Variants in SLC4A10 observed in about 807,000 individuals in gnomAD.
The protein encoded by SLC4A10 is solute carrier family 4 member 10.
A neutral mutation model predicts 137.7 loss-of-function variants in SLC4A10; 42 were observed. The ratio of observed to expected loss-of-function variants is 0.30; its 90% CI spans 0.24 to 0.39. SLC4A10 has a LOEUF of 0.39. SLC4A10 is among the 10% of genes least tolerant of loss of function. SLC4A10 has a pLI of 1.00. For synonymous variants in SLC4A10, 474 were observed against 464.1 expected (o/e 1.02, Z -0.27); for missense variants, 925 against 1,355.0 (o/e 0.68, Z 4.98).
intron 21 of SLC4A10, among the ~76,000 whole-genome samples, chr2:161,963,210 A>G (rs1371094910): frequency 6.6e-6 from 1 of 152,098 alleles, no homozygotes; most frequent in Non-Finnish European, 1.5e-5. Flanking sequence ...AATTTATAAA[A>G]TTCAAAAAAA....
At chr2:161,863,562 G>A (rs1329987523) in intron 6 of SLC4A10, among the ~76,000 whole-genome samples, 1 of 152,146 alleles carries the variant, frequency 6.6e-6, no homozygotes, top group South Asian at 2.1e-4. Flanking sequence ...ATTGTTTGTG[G>A]CTTTACATAC....
intron 3 of SLC4A10, among the ~76,000 whole-genome samples, chr2:161,814,573 A>G (rs2056871579): frequency 6.6e-6 from 1 of 152,182 alleles, no homozygotes; most frequent in African/African-American, 2.4e-5. Context: ...ACTCCATGGC[A>G]TACATTGCAG....
chr2:161,696,854 A>G (rs996911250), intron 1 of SLC4A10, among the ~76,000 whole-genome samples: 1 of 152,142 alleles, frequency 6.6e-6, no homozygotes, highest in Admixed American at 6.5e-5. Context: ...TGGTATTTCT[A>G]GTTCTAGATC....
chr2:161,830,944 A>C (rs1281073332), intron 3 of SLC4A10, among the ~76,000 whole-genome samples: 1 of 152,202 alleles, frequency 6.6e-6, no homozygotes, highest in East Asian at 1.9e-4. Context: ...AGATGTGGAT[A>C]TGTATGTGTT....
intron 19 of SLC4A10, among the ~76,000 whole-genome samples, chr2:161,955,175 C>T (rs960874867): frequency 2.6e-5 from 4 of 152,220 alleles, no homozygotes; most frequent in Admixed American, 1.3e-4. Context: ...ACATCCTTCT[C>T]ACTCCAGAGT....
chr2:161,628,797 T>A, intron 1 of SLC4A10, among the ~76,000 whole-genome samples: 1 of 152,020 alleles, frequency 6.6e-6, no homozygotes, highest in East Asian at 1.9e-4. Context: ...AGGTTGGGAA[T>A]GAGTGGTAGA....
At chr2:161,833,719 G>C (rs2058583746) in intron 3 of SLC4A10, among the ~76,000 whole-genome samples, 1 of 152,186 alleles carries the variant, frequency 6.6e-6, no homozygotes, top group African/African-American at 2.4e-5. Flanking sequence ...TTCACAGTCA[G>C]AGAGTCATGC....
chr2:161,879,064 T>C, intron 8 of SLC4A10, 67 bp from the exon 9 acceptor site: 2 of 1,453,612 alleles, frequency 1.4e-6, no homozygotes, highest in Non-Finnish European at 1.9e-6. Flanking sequence ...TGAAGCACTG[T>C]GCAAGAATAT....
chr2:161,638,945 A>T (rs1470414366), intron 1 of SLC4A10, among the ~76,000 whole-genome samples: 3 of 151,936 alleles, frequency 2.0e-5, no homozygotes, highest in Non-Finnish European at 4.4e-5. Context: ...AATCAGAGAT[A>T]AAAAAGGAGA....
At chr2:161,927,003 A>C (rs1689273091) in intron 15 of SLC4A10, among the ~76,000 whole-genome samples, 5 of 151,732 alleles carry the variant, frequency 3.3e-5, no homozygotes, top group Admixed American at 2.6e-4. Flanking sequence ...TTTTTCCTTC[A>C]TTTCAACTTT....
At chr2:161,812,316 T>C (rs1247241425) in intron 3 of SLC4A10, among the ~76,000 whole-genome samples, 1 of 152,120 alleles carries the variant, frequency 6.6e-6, no homozygotes, top group Non-Finnish European at 1.5e-5. Context: ...GTGAAGACTT[T>C]CTTTGCTCAT....
chr2:161,707,983 C>T (rs2043871858), intron 1 of SLC4A10, among the ~76,000 whole-genome samples: 1 of 150,472 alleles, frequency 6.6e-6, no homozygotes, highest in Non-Finnish European at 1.5e-5. Context: ...AGGAAGATTC[C>T]TTCAAGAGAG....
intron 2 of SLC4A10, among the ~76,000 whole-genome samples, chr2:161,788,000 C>A (rs1380094960): frequency 2.0e-5 from 3 of 152,186 alleles, no homozygotes; most frequent in African/African-American, 7.2e-5. Flanking sequence ...GGAGTTCTTG[C>A]ACTGATTCCT....
chr2:161,869,797 G>A (rs1469433224), intron 6 of SLC4A10, among the ~76,000 whole-genome samples: 1 of 151,526 alleles, frequency 6.6e-6, no homozygotes, highest in Admixed American at 6.6e-5. Flanking sequence ...ATTTAATTAT[G>A]AATATTAACG....
At chr2:161,693,589 A>T (rs1234047297) in intron 1 of SLC4A10, among the ~76,000 whole-genome samples, 1 of 150,540 alleles carries the variant, frequency 6.6e-6, no homozygotes, top group East Asian at 1.9e-4. Flanking sequence ...AGTTTGTACC[A>T]TTTGACCAAC....
intron 16 of SLC4A10, among the ~76,000 whole-genome samples, chr2:161,944,088 T>G (rs996496616): frequency 4.6e-5 from 7 of 151,912 alleles, no homozygotes; most frequent in African/African-American, 1.4e-4. Flanking sequence ...TTGTTAACAT[T>G]TATTCTGTTC....
chr2:161,984,156 T>C lies in SLC4A10; in HGVS notation c.*1004T>C, dbSNP rs1470046382. 1.3e-5 allele frequency: 2 copies of C among 152,180 alleles called. No individual in the cohort carries two copies. The highest frequency in any genetic ancestry group is 4.8e-5 in the African/African-American group (2 of 41,458). 9.4% of individuals were successfully genotyped at this position (152,180 alleles called of 1,614,324 possible). On this transcript the variant is annotated 3_prime_UTR_variant, in exon 27 of 27. Transcript: ENST00000446997. ...CTGGTCCTGAATCATGTTCTCATGT[T>C]AGACCAACAGCTCTCCAATTGTCAT...
intron 1 of SLC4A10, among the ~76,000 whole-genome samples, chr2:161,681,538 G>A (rs1395530035): frequency 6.6e-6 from 1 of 151,856 alleles, no homozygotes; most frequent in Non-Finnish European, 1.5e-5. Context: ...CTTTTCTTAG[G>A]TCAAAAACTT....
chr2:161,784,520 T>G (rs1375394458), intron 2 of SLC4A10, among the ~76,000 whole-genome samples: 1 of 151,842 alleles, frequency 6.6e-6, no homozygotes, highest in African/African-American at 2.4e-5. Flanking sequence ...TTTTAAAAAT[T>G]TAAAGTGATC....
Sources: allele counts gnomAD v4.1 joint callset (sites outside exome capture counted in the v4.1 genomes callset), GRCh38; gene constraint gnomAD v4.1.1; transcripts MANE v1.5; gene names NCBI Gene and HGNC (gene_info 2026-07-23, HGNC 2026-07-21).